Variants in CIBAR2 observed in about 807,000 individuals in gnomAD.
The protein encoded by CIBAR2 is CBY1-interacting BAR domain-containing protein 2.
CIBAR2 carries 38 observed loss-of-function variants against 36.2 expected under a neutral mutation model. The observed-to-expected ratio is 1.05, with a 90% CI of 0.81 to 1.38. The LOEUF is 1.38. Among genes scored for constraint, CIBAR2 ranks in the 40% most tolerant of loss-of-function variants. The pLI is 0.00. For synonymous variants in CIBAR2, 182 were observed against 149.5 expected, an observed-to-expected ratio of 1.22 and a Z score of -1.58; for missense variants, 481 against 383.4, an observed-to-expected ratio of 1.25 and a Z score of -2.13.
At chr16:85,110,493 G>C in intron 1 of CIBAR2, 33 bp from the exon 2 acceptor site, 1 of 1,512,004 alleles carries the variant, frequency 6.6e-7, no homozygotes. Context: ...AGCCATTCTG[G>C]GCAGAGATGC....
In CIBAR2 at chr16:85,110,704, C is replaced by CTTTTT. The variant is rs746973381; in HGVS notation, c.21-249_21-245dup. ...ATGCGGGCTTGGCTGCAGACCTGGC[C>CTTTTT]TTTTTTTTTTTTTTTTTGGAGACAG... On this transcript the variant is annotated intron_variant, in intron 1 of 8. Coordinates refer to ENST00000539556, the MANE Select transcript of CIBAR2 (RefSeq NM_198491.3). 1.3e-4 allele frequency among the ~76,000 whole-genome samples: 12 copies of CTTTTT among 93,882 alleles called. 1 individual carries two copies. Among genetic ancestry groups the CTTTTT allele is most frequent in the South Asian group, 3.4e-4 (1 of 2,938 alleles). The allele number at this position is 93,882 out of a possible 152,430, so 61.6% of individuals were successfully genotyped here.
chr16:85,108,135 G>A, intron 2 of CIBAR2, 36 bp from the exon 3 acceptor site: 1 of 1,576,034 alleles, frequency 6.3e-7, no homozygotes. Flanking sequence ...TCTGAGCGCA[G>A]GGTGCTGCCT....
At chr16:85,101,515 A>G (rs534300813) in intron 7 of CIBAR2, among the ~76,000 whole-genome samples, 26 of 152,122 alleles carry the variant, frequency 1.7e-4, no homozygotes, top group South Asian at 6.2e-4. Flanking sequence ...TTACAATACT[A>G]GGCTTGCGGA....
At chr16:85,108,007 C>T (rs772190213) in intron 3 of CIBAR2, 24 bp downstream of exon 3, 2 of 1,613,786 alleles carry the variant, frequency 1.2e-6, no homozygotes, top group Admixed American at 3.3e-5. Flanking sequence ...GGGATGCCAC[C>T]CACACCGAGG....
At chr16:85,105,616 C>T (rs936679192) in intron 5 of CIBAR2, among the ~76,000 whole-genome samples, 185 bp from the exon 6 acceptor site, 1 of 152,332 alleles carries the variant, frequency 6.6e-6, no homozygotes, top group East Asian at 1.9e-4. Context: ...GGAGCAGTCA[C>T]TGGAGTGAGA....
Position 85,105,934 on chromosome 16 carries a change from G to A in CIBAR2, c.433-503C>T, listed in dbSNP as rs116153744. ...TTAGAGTCAAACACCTTGGAGCTGC[G>A]TTTGAAATTTGCCACTTAACTGCCT... is the stretch of plus-strand genomic sequence containing the variant. On this transcript the variant is annotated intron_variant, in intron 5 of 8. Transcript: ENST00000539556. Among the ~76,000 whole-genome samples, 1,184 of 152,304 alleles carry A rather than the reference G, an allele frequency of 7.8e-3. 23 individuals carry two copies. The highest frequency in any genetic ancestry group is 0.027 in the African/African-American group (1,139 of 41,560).
rs949322733 is a variant in CIBAR2 at position 85,107,551 on chromosome 16, C to T, written c.432+116G>A. 36 of 1,170,694 alleles carry T rather than the reference C, an allele frequency of 3.1e-5. No homozygotes were observed. In the East Asian group the frequency reaches 3.3e-4, roughly 11 times the overall value. 72.5% of individuals were successfully genotyped at this position (1,170,694 alleles called of 1,614,324 possible). A position where few individuals can be genotyped will look rare whatever the true frequency, so the allele number is the denominator to read the frequency against. On this transcript the variant is annotated intron_variant, in intron 5 of 8. Transcript: ENST00000539556. Reference sequence around the variant, plus strand: ...GTACCTTTGGCTTTCCCAACCTGAGCGCAAGGTCCTGCACACACCTGCTTC... The same window carrying T: ...GTACCTTTGGCTTTCCCAACCTGAGTGCAAGGTCCTGCACACACCTGCTTC...
At chr16:85,110,171 G>T in intron 2 of CIBAR2, 55 bp downstream of exon 2, 1 of 1,381,116 alleles carries the variant, frequency 7.2e-7, no homozygotes, top group Non-Finnish European at 9.9e-7. Context: ...GCCTGACCTT[G>T]GCATTGGAGC....
Position 85,110,421 on chromosome 16 carries a change from G to T in CIBAR2, c.60C>A (p.Asn20Lys). 2 of 1,611,236 alleles carry T rather than the reference G, an allele frequency of 1.2e-6. No individual in the cohort carries two copies. Among genetic ancestry groups the T allele is most frequent in the Non-Finnish European group, 1.7e-6 (2 of 1,178,516 alleles). The change falls in exon 2 of 9, where the codon AAC (asparagine) becomes AAA (lysine). Residue 20 changes from asparagine to lysine, a missense_variant. Coordinates refer to ENST00000539556, the MANE Select transcript of CIBAR2 (RefSeq NM_198491.3). ...AGAACTGCCCAAAGTACTTCTCGGT[G>T]TTGGCCACGGTATTCTCCATCACCC... Reference protein sequence around the residue: ...QVRVMENTVANTEKYFGQFCS... With the variant: ...QVRVMENTVAKTEKYFGQFCS...
At position 85,110,373 on chromosome 16, in the gene CIBAR2, C is replaced by A. The variant is rs143497220; in HGVS notation, c.108G>T (p.Thr36=). Residue 36 remains threonine, a synonymous_variant, in exon 2 of 9, where the codon ACG becomes ACT. Coordinates refer to ENST00000539556, the MANE Select transcript of CIBAR2 (RefSeq NM_198491.3). ...GQFCSLLAAY[T]RKTARLRDKA... ...TGTCCCGCAGCCGGGCCGTCTTGCG[C>A]GTGTAGGCGGCCAGCAGCGAGCAGA... 1.9e-6 allele frequency: 3 copies of A among 1,613,562 alleles called. No homozygotes were observed. The South Asian group carries it at 3.3e-5, about 18-fold the overall frequency.
At chr16:85,108,473 A>T (rs1424717712) in intron 2 of CIBAR2, among the ~76,000 whole-genome samples, 1 of 152,170 alleles carries the variant, frequency 6.6e-6, no homozygotes, top group Non-Finnish European at 1.5e-5. Context: ...GTCTCTCTAC[A>T]CGACAGCCCT....
chr16:85,102,123 G>A, intron 7 of CIBAR2, 91 bp downstream of exon 7: 1 of 734,344 alleles, frequency 1.4e-6, no homozygotes. Flanking sequence ...GTTGTGAAAT[G>A]TTACCAACAA....
intron 6 of CIBAR2, 31 bp from the exon 7 acceptor site, chr16:85,102,358 C>T (rs2073962516): frequency 7.3e-7 from 1 of 1,374,078 alleles, no homozygotes; most frequent in African/African-American, 1.4e-5. Context: ...AGAATGTAAG[C>T]ATCGCAGTGA....
intron 7 of CIBAR2, among the ~76,000 whole-genome samples, chr16:85,101,736 C>T (rs549511751): frequency 6.6e-6 from 1 of 151,100 alleles, no homozygotes; most frequent in Non-Finnish European, 1.5e-5. Flanking sequence ...GTGGCACGAT[C>T]TCGGCTCACT....
At chr16:85,105,612 G>A (rs921490540) in intron 5 of CIBAR2, among the ~76,000 whole-genome samples, 181 bp from the exon 6 acceptor site, 4 of 152,240 alleles carry the variant, frequency 2.6e-5, no homozygotes, top group Non-Finnish European at 4.4e-5. Context: ...TGAAGGAGCA[G>A]TCACTGGAGT....
chr16:85,103,721 C>T (rs2073973006), intron 6 of CIBAR2, among the ~76,000 whole-genome samples: 1 of 152,228 alleles, frequency 6.6e-6, no homozygotes, highest in African/African-American at 2.4e-5. Flanking sequence ...TGCAGGCGTT[C>T]ACTCATTCGT....
At chr16:85,112,216 C>G in intron 1 of CIBAR2, 117 bp downstream of exon 1, 1 of 837,044 alleles carries the variant, frequency 1.2e-6, no homozygotes, top group Admixed American at 1.9e-5. Context: ...GAGCTCCCCT[C>G]ACCCCCAACC....
intron 6 of CIBAR2, among the ~76,000 whole-genome samples, 173 bp from the exon 7 acceptor site, chr16:85,102,500 C>T (rs926601434): frequency 6.6e-6 from 1 of 152,162 alleles, no homozygotes; most frequent in African/African-American, 2.4e-5. Flanking sequence ...ATAGAGAACA[C>T]ATTTGCATGG....
intron 2 of CIBAR2, 152 bp from the exon 3 acceptor site, chr16:85,108,251 T>A: frequency 1.4e-6 from 1 of 700,088 alleles, no homozygotes; most frequent in Non-Finnish European, 2.3e-6. Flanking sequence ...TCCCGGTGTG[T>A]TGGAGGCACG....
Sources: gnomAD v4.1 joint callset for allele counts (sites outside exome capture counted in the v4.1 genomes callset) on GRCh38, gnomAD v4.1.1 for gene constraint, MANE v1.5 for transcripts, NCBI Gene and HGNC (gene_info 2026-07-23, HGNC 2026-07-21) for gene names.